The following TEKT5 variants were observed in gnomAD, a reference collection of about 807,000 sequenced individuals.
The protein encoded by TEKT5 is tektin 5.
A neutral mutation model predicts 48.7 loss-of-function variants in TEKT5; 52 were observed. The observed-to-expected ratio is 1.07, with a 90% CI of 0.86 to 1.35. TEKT5 has a LOEUF of 1.35. Among genes scored for constraint, TEKT5 ranks in the 40% most tolerant of loss-of-function variants. The probability of loss-of-function intolerance (pLI) is 0.00; values close to 1 mark genes in which losing one functional copy is unlikely to be tolerated. For synonymous variants in TEKT5, 318 were observed against 267.6 expected, an observed-to-expected ratio of 1.19 and a Z score of -1.84; for missense variants, 831 against 641.6, an observed-to-expected ratio of 1.30 and a Z score of -3.19.
intron 4 of TEKT5, among the ~76,000 whole-genome samples, chr16:10,681,042 C>CAAA (rs35641359): frequency 4.8e-5 from 6 of 125,248 alleles, no homozygotes; most frequent in East Asian, 2.2e-4. Context: ...AGAAAAATAC[C>CAAA]AAAAAAAAAA....
At chr16:10,684,195 G>A (rs987911091) in intron 3 of TEKT5, among the ~76,000 whole-genome samples, 1 of 152,198 alleles carries the variant, frequency 6.6e-6, no homozygotes, top group Non-Finnish European at 1.5e-5. Flanking sequence ...GAGTAGAGAA[G>A]GGAGTAACTT....
rs759804960 is a variant in TEKT5, at chr16:10,694,584, G to C, written c.290C>G (p.Ser97Cys). The part of the protein sequence containing the change: ...SRYSPHDWDQ[S>C]NQLQVRGAEA... ...GGCCCCACGCACCTGCAGCTGGTTGGACTGGTCCCAGTCGTGGGGGCTATA... is the reference window on the plus strand; with the variant it reads ...GGCCCCACGCACCTGCAGCTGGTTGCACTGGTCCCAGTCGTGGGGGCTATA... Residue 97 changes from serine (S) to cysteine (C), a missense_variant, in exon 1 of 7, where the codon TCC (serine) becomes TGC (cysteine). Coordinates refer to ENST00000283025, the MANE Select transcript of TEKT5 (RefSeq NM_144674.2). 6.2e-7 allele frequency: 1 copy of C among 1,605,992 alleles called. No individual in the cohort carries two copies. The highest frequency in any genetic ancestry group is 1.7e-5 in the Admixed American group (1 of 59,354).
At position 10,643,732 on chromosome 16, in the gene TEKT5, A is replaced by G. The variant is rs529299101; in HGVS notation, c.1087-7814T>C. On this transcript the variant is annotated intron_variant, in intron 5 of 6. Transcript: ENST00000283025. ...TATCAAAGTATTATGCATTACATAA[A>G]ACATATTATTAAAATCAATTTCACG... 2.5e-4 allele frequency among the ~76,000 whole-genome samples: 38 copies of G among 152,346 alleles called. 1 individual carries two copies. The South Asian group carries it at 5.2e-3, about 21-fold the overall frequency.
intron 5 of TEKT5, among the ~76,000 whole-genome samples, chr16:10,670,475 C>G (rs913564250): frequency 6.6e-6 from 1 of 152,060 alleles, no homozygotes; most frequent in South Asian, 2.1e-4. Context: ...GCCAAGATCT[C>G]GTCACTGCAC....
At chr16:10,684,458 A>T (rs1567235916) in intron 3 of TEKT5, among the ~76,000 whole-genome samples, 3 of 147,826 alleles carry the variant, frequency 2.0e-5, no homozygotes, top group Non-Finnish European at 4.5e-5. Flanking sequence ...GCAGGCCAGG[A>T]GCCAGGAAGT....
At chr16:10,669,570 ATG>A (rs1421240951) in intron 5 of TEKT5, among the ~76,000 whole-genome samples, 1 of 152,226 alleles carries the variant, frequency 6.6e-6, no homozygotes, top group African/African-American at 2.4e-5. Context: ...TTCTCATTGT[ATG>A]ATTCAGTGAT....
At chr16:10,642,081 C>A (rs2719632) in intron 5 of TEKT5, among the ~76,000 whole-genome samples, 2 of 152,354 alleles carry the variant, frequency 1.3e-5, no homozygotes, top group East Asian at 1.9e-4. Context: ...CAATCTGGAT[C>A]GCTGTGCCGT....
chr16:10,694,094 T>C (rs1022305758), intron 1 of TEKT5, among the ~76,000 whole-genome samples: 15 of 152,192 alleles, frequency 9.9e-5, no homozygotes, highest in African/African-American at 3.6e-4. Context: ...TGATGTAGCT[T>C]CAAGGAGAAA....
intron 3 of TEKT5, among the ~76,000 whole-genome samples, chr16:10,685,843 C>T (rs1898854209): frequency 6.6e-6 from 1 of 152,078 alleles, no homozygotes; most frequent in African/African-American, 2.4e-5. Flanking sequence ...TCCTGGTTCT[C>T]CCAGATCCCC....
chr16:10,634,374 A>G (rs1351515686), intron 6 of TEKT5, among the ~76,000 whole-genome samples: 1 of 152,152 alleles, frequency 6.6e-6, no homozygotes, highest in Non-Finnish European at 1.5e-5. Context: ...GGGGGATATC[A>G]ACTCAGTATC....
chr16:10,643,079 A>G (rs138432272), intron 5 of TEKT5, among the ~76,000 whole-genome samples: 1 of 152,192 alleles, frequency 6.6e-6, no homozygotes, highest in Non-Finnish European at 1.5e-5. Context: ...TTACTGTGTC[A>G]ATTTAAAAAA....
intron 5 of TEKT5, among the ~76,000 whole-genome samples, chr16:10,665,822 T>C (rs569538442): frequency 6.6e-6 from 1 of 152,200 alleles, no homozygotes; most frequent in Non-Finnish European, 1.5e-5. Flanking sequence ...GGTAGAGACC[T>C]ACCTATGCAT....
intron 5 of TEKT5, among the ~76,000 whole-genome samples, chr16:10,641,129 C>T (rs1033720524): frequency 1.3e-5 from 2 of 152,202 alleles, no homozygotes; most frequent in African/African-American, 4.8e-5. Flanking sequence ...CCTTCGTCAA[C>T]ACTTAGTGTG....
At position 10,694,439 on chromosome 16, in the gene TEKT5, C is replaced by G. The variant is rs749243208; in HGVS notation, c.435G>C (p.Leu145=). 3 of 1,614,098 alleles carry G rather than the reference C, an allele frequency of 1.9e-6. No homozygotes were observed. In the Admixed American group the frequency reaches 5.0e-5, roughly 27 times the overall value. ...EGTCRNLGQR[L]SDIGFWKSEL... The stretch of plus-strand genomic sequence containing the variant: ...CTGACTTCCAGAAGCCAATGTCCGA[C>G]AGCCTCTGGCCCAGGTTCCGGCAGG... Residue 145 remains leucine, a synonymous_variant, in exon 1 of 7, where the codon CTG becomes CTC. Coordinates refer to ENST00000283025, the MANE Select transcript of TEKT5 (RefSeq NM_144674.2).
chr16:10,635,712 C>T lies in TEKT5; in HGVS notation c.1241+52G>A, dbSNP rs2719673. Reference sequence around the variant, plus strand: ...GAAGCTCCTGAGACTCACCCCTTCCCGTTCCTGGATTCCCAGGGGTTCTCC... The same window carrying T: ...GAAGCTCCTGAGACTCACCCCTTCCTGTTCCTGGATTCCCAGGGGTTCTCC... On this transcript the variant is annotated intron_variant, in intron 6 of 6. Coordinates refer to ENST00000283025, the MANE Select transcript of TEKT5 (RefSeq NM_144674.2). 3.7e-4 allele frequency: 586 copies of T among 1,583,422 alleles called. 5 individuals are homozygous for T. Among genetic ancestry groups the T allele is most frequent in the Non-Finnish European group, 9.6e-5 (112 of 1,162,194 alleles).
chr16:10,628,905 C>CAA (rs201157132), intron 6 of TEKT5, among the ~76,000 whole-genome samples: 50 of 79,346 alleles, frequency 6.3e-4, no homozygotes, highest in African/African-American at 1.8e-3. Flanking sequence ...AACTCTGTCT[C>CAA]AAAAAAAAAA....
intron 5 of TEKT5, among the ~76,000 whole-genome samples, chr16:10,648,197 T>G (rs563380263): frequency 6.6e-6 from 1 of 152,290 alleles, no homozygotes; most frequent in South Asian, 2.1e-4. Flanking sequence ...ACACAACCAT[T>G]TATCAAGAGT....
intron 4 of TEKT5, among the ~76,000 whole-genome samples, chr16:10,676,554 G>A (rs1431181152): frequency 2.0e-5 from 3 of 152,042 alleles, no homozygotes; most frequent in African/African-American, 7.2e-5. Context: ...CAAAGAGAGG[G>A]GCTCCCGCAG....
At chr16:10,670,053 C>T (rs1898526087) in intron 5 of TEKT5, among the ~76,000 whole-genome samples, 1 of 152,200 alleles carries the variant, frequency 6.6e-6, no homozygotes, top group Admixed American at 6.5e-5. Context: ...CTGCACAGCC[C>T]CAAACCACTG....
Sources: gnomAD v4.1 joint callset for allele counts (sites outside exome capture counted in the v4.1 genomes callset) on GRCh38, gnomAD v4.1.1 for gene constraint, MANE v1.5 for transcripts, NCBI Gene and HGNC (gene_info 2026-07-23, HGNC 2026-07-21) for gene names.